Variants in SLC44A5 observed in about 807,000 individuals in gnomAD.
SLC44A5 encodes the protein choline transporter-like protein 5.
Under a neutral mutation model 101.8 loss-of-function variants are expected in SLC44A5, and 57 were observed. That is an observed-to-expected ratio of 0.56 (90% CI 0.45 to 0.70). The LOEUF (loss-of-function observed/expected upper bound fraction) is 0.70. Among genes scored for constraint, SLC44A5 ranks in the 30% least tolerant of loss-of-function variants. SLC44A5 has a pLI of 0.00. For synonymous variants in SLC44A5, 281 were observed against 290.9 expected (o/e 0.97, Z 0.35); for missense variants, 737 against 853.1 (o/e 0.86, Z 1.70).
chr1:75,632,699 C>CT, the SLC44A5 span, among the ~76,000 whole-genome samples: 2 of 152,184 alleles, frequency 1.3e-5, no homozygotes, highest in African/African-American at 4.8e-5. Flanking sequence ...AACTAAGACT[C>CT]TATTACCCAC....
At chr1:75,228,777 T>C (rs1306759557) in intron 12 of SLC44A5, among the ~76,000 whole-genome samples, 3 of 151,726 alleles carry the variant, frequency 2.0e-5, no homozygotes, top group East Asian at 3.9e-4. Context: ...AAGCCTAGAG[T>C]CAATATGTTA....
chr1:75,696,890 G>GAA, the SLC44A5 span, among the ~76,000 whole-genome samples: 1 of 141,394 alleles, frequency 7.1e-6, no homozygotes, highest in African/African-American at 2.6e-5. Context: ...CTCTGTCTCA[G>GAA]AAAAAAAAAA....
At chr1:75,249,482 C>T (rs1649382620) in intron 7 of SLC44A5, among the ~76,000 whole-genome samples, 1 of 151,984 alleles carries the variant, frequency 6.6e-6, no homozygotes, top group Admixed American at 6.6e-5. Context: ...AATGGTGTGG[C>T]CTGGAGGTTA....
the SLC44A5 span, among the ~76,000 whole-genome samples, chr1:75,722,865 T>G: frequency 6.6e-6 from 1 of 152,234 alleles, no homozygotes; most frequent in African/African-American, 2.4e-5. Context: ...ACACTAACAT[T>G]CTTTGATATC....
chr1:75,455,874 A>C (rs1043122127), intron 2 of SLC44A5, among the ~76,000 whole-genome samples: 1 of 152,070 alleles, frequency 6.6e-6, no homozygotes, highest in African/African-American at 2.4e-5. Context: ...TGTTGGTGAG[A>C]CTACAGAGAA....
chr1:75,708,455 A>G, the SLC44A5 span, among the ~76,000 whole-genome samples: 1 of 145,886 alleles, frequency 6.9e-6, no homozygotes, highest in Non-Finnish European at 1.5e-5. Context: ...ATTCTCTTTG[A>G]CCCAGGAAGT....
intron 2 of SLC44A5, among the ~76,000 whole-genome samples, chr1:75,493,761 C>T (rs1668536866): frequency 6.6e-6 from 1 of 152,160 alleles, no homozygotes; most frequent in African/African-American, 2.4e-5. Context: ...GAATAGGAGG[C>T]ACAGGATTCT....
intron 13 of SLC44A5, among the ~76,000 whole-genome samples, chr1:75,223,728 C>A (rs1647137129): frequency 6.6e-6 from 1 of 152,148 alleles, no homozygotes; most frequent in Non-Finnish European, 1.5e-5. Context: ...CAGTTACTGT[C>A]TCCGAGTAAG....
chr1:75,369,037 G>C lies in SLC44A5; in HGVS notation c.52+27546C>G, dbSNP rs950746605. Among the ~76,000 whole-genome samples, 3 of 151,188 alleles carry C rather than the reference G, an allele frequency of 2.0e-5. No individual in the cohort carries two copies. In the East Asian group the frequency reaches 5.8e-4, roughly 29 times the overall value. On this transcript the variant is annotated intron_variant, in intron 3 of 23. Coordinates refer to ENST00000370859, the MANE Select transcript of SLC44A5 (RefSeq NM_001130058.2). ...TCACATTTTTTTTTTTTTAAAGACAGGTTCTCACTCTGTCACTCAGGCTGA... is the reference window on the plus strand; with the variant it reads ...TCACATTTTTTTTTTTTTAAAGACACGTTCTCACTCTGTCACTCAGGCTGA...
intron 2 of SLC44A5, among the ~76,000 whole-genome samples, chr1:75,409,931 C>T (rs1220319687): frequency 6.6e-6 from 1 of 151,970 alleles, no homozygotes; most frequent in Admixed American, 6.6e-5. Context: ...TACATACATA[C>T]ATATATACTT....
At chr1:75,290,123 C>G (rs996596926) in intron 5 of SLC44A5, among the ~76,000 whole-genome samples, 2 of 152,174 alleles carry the variant, frequency 1.3e-5, no homozygotes, top group African/African-American at 4.8e-5. Context: ...CAAAAGATGA[C>G]CTGGCTTCTA....
At chr1:75,706,946 T>C in the SLC44A5 span, among the ~76,000 whole-genome samples, 1 of 152,172 alleles carries the variant, frequency 6.6e-6, no homozygotes, top group African/African-American at 2.4e-5. Context: ...ACTGATTGTA[T>C]CTCTAAAATA....
chr1:75,497,674 A>G (rs1668746435), intron 2 of SLC44A5, among the ~76,000 whole-genome samples: 1 of 152,140 alleles, frequency 6.6e-6, no homozygotes, highest in South Asian at 2.1e-4. Flanking sequence ...CTGTGAAGAG[A>G]TGGATACGTT....
At chr1:75,300,803 C>A (rs1006087304) in intron 4 of SLC44A5, 118 bp from the exon 5 acceptor site, 3 of 540,434 alleles carry the variant, frequency 5.6e-6, no homozygotes, top group Non-Finnish European at 8.9e-6. Context: ...TTCATAATTG[C>A]ATATTTTATT....
At chr1:75,521,534 A>G (rs1191593781) in intron 2 of SLC44A5, 2 of 152,252 alleles carry the variant, frequency 1.3e-5, no homozygotes, top group African/African-American at 4.8e-5. Flanking sequence ...ACTACAAAAC[A>G]TAAAGGAGAA....
chr1:75,575,298 CT>C (rs1673298459), intron 1 of SLC44A5, among the ~76,000 whole-genome samples: 1 of 152,136 alleles, frequency 6.6e-6, no homozygotes, highest in African/African-American at 2.4e-5. Context: ...GACTTTAACA[CT>C]TTAGTTTAAT....
chr1:75,275,654 C>G (rs1194290460), intron 5 of SLC44A5, among the ~76,000 whole-genome samples: 1 of 152,078 alleles, frequency 6.6e-6, no homozygotes, highest in Non-Finnish European at 1.5e-5. Flanking sequence ...TTCATGAAAA[C>G]TAAGGACTTG....
chr1:75,444,483 G>GAAGAAAGACAGAAAGAAAGAAAGAAAGA (rs1665418177), intron 2 of SLC44A5, among the ~76,000 whole-genome samples: 1 of 140,656 alleles, frequency 7.1e-6, no homozygotes, highest in Non-Finnish European at 1.5e-5. Flanking sequence ...GAGAAAGAAA[G>GAAGAAAGACAGAAAGAAAGAAAGAAAGA]AAGAAAGAAA....
intron 3 of SLC44A5, among the ~76,000 whole-genome samples, chr1:75,344,444 A>G (rs1658102608): frequency 6.6e-6 from 1 of 152,140 alleles, no homozygotes; most frequent in Admixed American, 6.6e-5. Flanking sequence ...TACCTAATAT[A>G]AGGAAAGGGA....
Sources: gnomAD v4.1 joint callset for allele counts (sites outside exome capture counted in the v4.1 genomes callset) on GRCh38, gnomAD v4.1.1 for gene constraint, MANE v1.5 for transcripts, NCBI Gene and HGNC (gene_info 2026-07-23, HGNC 2026-07-21) for gene names.